TMEM232: variants seen among roughly 807,000 people sequenced by gnomAD.
TMEM232 encodes transmembrane protein 232.
TMEM232 carries 80 observed loss-of-function variants against 78.8 expected under a neutral mutation model. The observed-to-expected ratio is 1.01, with a 90% CI of 0.85 to 1.22. The LOEUF (loss-of-function observed/expected upper bound fraction) is 1.22. TMEM232 is among the 50% of genes most tolerant of loss of function. The pLI, the probability that TMEM232 is intolerant of heterozygous loss-of-function variation, is 0.00. For synonymous variants in TMEM232, 297 were observed against 254.3 expected (o/e 1.17, Z -1.60); for missense variants, 881 against 742.2 (o/e 1.19, Z -2.17).
intron 3 of TMEM232, among the ~76,000 whole-genome samples, chr5:110,396,761 A>C (rs1312025349): frequency 2.0e-5 from 3 of 152,190 alleles, no homozygotes; most frequent in Non-Finnish European, 4.4e-5. Flanking sequence ...CCTTACTTAC[A>C]TTATTTAATC....
chr5:110,423,780 CGT>C (rs146104536), intron 13 of TMEM232, among the ~76,000 whole-genome samples: 2,016 of 141,606 alleles, frequency 0.014, 18 homozygotes, highest in African/African-American at 0.031. Context: ...TTTATGCGTG[CGT>C]GTGTGTGTGT....
rs575133922 is a variant in TMEM232, at chr5:110,614,550, T to C, written c.902+3879A>G. On this transcript the variant is annotated intron_variant, in intron 8 of 13. Coordinates refer to ENST00000455884, the MANE Select transcript of TMEM232 (RefSeq NM_001039763.4). ...GATGCAATACAGCAAAATCTAAAAA[T>C]CGGTTAAAGAAAGAATTGAATTCCA... Among the ~76,000 whole-genome samples the C allele has an allele frequency of 2.0e-5, 3 of 152,186 alleles. No individual in the cohort carries two copies. The South Asian group carries it at 6.2e-4, about 32-fold the overall frequency.
Position 110,420,537 on chromosome 5 carries a change from C to T in TMEM232, c.*43G>A, listed in dbSNP as rs578119165. On this transcript the variant is annotated 3_prime_UTR_variant, in exon 14 of 14. Coordinates refer to ENST00000455884, the MANE Select transcript of TMEM232 (RefSeq NM_001039763.4). The stretch of plus-strand genomic sequence containing the variant: ...GTATTTTTCATCCTATGTATTTCTG[C>T]CATGTAGTCCTCAATTTTGGGAGGT... 2.4e-6 allele frequency: 3 copies of T among 1,257,112 alleles called. No individual in the cohort carries two copies. The highest frequency in any genetic ancestry group is 3.2e-5 in the African/African-American group (2 of 63,268). 77.9% of individuals were successfully genotyped at this position (1,257,112 alleles called of 1,614,324 possible).
intron 10 of TMEM232, among the ~76,000 whole-genome samples, chr5:110,585,950 C>G (rs2149746750): frequency 6.6e-6 from 1 of 152,262 alleles, no homozygotes; most frequent in East Asian, 1.9e-4. Context: ...CATACATTTT[C>G]TCACAGAAGT....
chr5:110,509,714 C>T (rs917510014), intron 12 of TMEM232, among the ~76,000 whole-genome samples: 4 of 151,866 alleles, frequency 2.6e-5, no homozygotes, highest in East Asian at 1.9e-4. Flanking sequence ...ACTATAAGTT[C>T]TTTAGAAATA....
chr5:110,528,548 A>T, intron 12 of TMEM232, 40 bp downstream of exon 12: 2 of 1,428,384 alleles, frequency 1.4e-6, no homozygotes, highest in Non-Finnish European at 9.1e-7. Context: ...TTTGAATTGT[A>T]ATGTATTAGA....
chr5:110,428,926 C>G (rs1757535459), intron 12 of TMEM232, among the ~76,000 whole-genome samples: 1 of 151,670 alleles, frequency 6.6e-6, no homozygotes, highest in Non-Finnish European at 1.5e-5. Context: ...GGAACAAAGG[C>G]TCAGGAAAAG....
At chr5:110,527,927 G>A (rs1421197669) in intron 12 of TMEM232, among the ~76,000 whole-genome samples, 1 of 151,916 alleles carries the variant, frequency 6.6e-6, no homozygotes, top group African/African-American at 2.4e-5. Flanking sequence ...ATGTAAAATA[G>A]GGCCTGTGTT....
chr5:110,577,645 G>A (rs1238166242), intron 10 of TMEM232, among the ~76,000 whole-genome samples: 1 of 151,996 alleles, frequency 6.6e-6, no homozygotes, highest in African/African-American at 2.4e-5. Flanking sequence ...TAGTAGACTG[G>A]ATAAAGAAAA....
chr5:110,666,852 T>A (rs1790661107), intron 2 of TMEM232: 4 of 162,526 alleles, frequency 2.5e-5, no homozygotes, highest in Non-Finnish European at 4.0e-5. Flanking sequence ...AGAAACTTTA[T>A]CCCAAGGAAA....
intron 2 of TMEM232, among the ~76,000 whole-genome samples, chr5:110,408,640 AGTTT>A (rs759844553): frequency 1.4e-3 from 209 of 152,196 alleles, no homozygotes; most frequent in Admixed American, 2.4e-3. Context: ...TGAAACAAAA[AGTTT>A]GTTTATTAAA....
chr5:110,704,157 TATCATGATC>T (rs1288866746), intron 1 of TMEM232, among the ~76,000 whole-genome samples: 17 of 152,096 alleles, frequency 1.1e-4, no homozygotes, highest in Non-Finnish European at 2.5e-4. Flanking sequence ...AGGTCTTAAG[TATCATGATC>T]ACTAGACATA....
At chr5:110,728,049 CAAAT>C (rs1215153408), upstream of TMEM232, among the ~76,000 whole-genome samples, 1 of 151,772 alleles carries the variant, frequency 6.6e-6, no homozygotes, top group Non-Finnish European at 1.5e-5. Context: ...TATTCATAAT[CAAAT>C]GAAGATTGAA....
chr5:110,588,685 T>C (rs910821694), intron 10 of TMEM232, among the ~76,000 whole-genome samples: 2 of 152,086 alleles, frequency 1.3e-5, no homozygotes, highest in Non-Finnish European at 2.9e-5. Context: ...AAAATTTCAT[T>C]GTAGTGTAAG....
upstream of TMEM232, among the ~76,000 whole-genome samples, chr5:110,730,793 G>A (rs1798607351): frequency 6.6e-6 from 1 of 152,136 alleles, no homozygotes; most frequent in Non-Finnish European, 1.5e-5. Flanking sequence ...TATAATTCAA[G>A]TTAAGATTTG....
chr5:110,715,892 A>C (rs577416653), intron 1 of TMEM232, among the ~76,000 whole-genome samples: 1 of 152,276 alleles, frequency 6.6e-6, no homozygotes, highest in Non-Finnish European at 1.5e-5. Flanking sequence ...TACATGATAA[A>C]ACTTTGGTCG....
At chr5:110,462,799 C>T (rs537482232) in intron 12 of TMEM232, among the ~76,000 whole-genome samples, 15 of 151,936 alleles carry the variant, frequency 9.9e-5, no homozygotes, top group Admixed American at 2.0e-4. Context: ...ATTACAGTGA[C>T]GAAAACAACC....
chr5:110,448,508 T>C (rs1457089058), intron 12 of TMEM232, among the ~76,000 whole-genome samples: 1 of 152,068 alleles, frequency 6.6e-6, no homozygotes, highest in Admixed American at 6.6e-5. Context: ...TAAATTTCAG[T>C]CTAAATGATT....
intron 11 of TMEM232, among the ~76,000 whole-genome samples, chr5:110,558,661 G>T (rs150406544): frequency 6.6e-6 from 1 of 152,206 alleles, no homozygotes; most frequent in East Asian, 1.9e-4. Context: ...AGTCAATAAA[G>T]GCCAAAGACA....
Sources: gnomAD v4.1 joint callset for allele counts (sites outside exome capture counted in the v4.1 genomes callset) on GRCh38, gnomAD v4.1.1 for gene constraint, MANE v1.5 for transcripts, NCBI Gene and HGNC (gene_info 2026-07-23, HGNC 2026-07-21) for gene names.